DAB1: variants seen among roughly 807,000 people sequenced by gnomAD.
DAB1 encodes disabled homolog 1.
In DAB1, 15 loss-of-function variants were observed where a neutral mutation model predicts 64.6. The ratio of observed to expected loss-of-function variants is 0.23; its 90% CI spans 0.16 to 0.36. The LOEUF (loss-of-function observed/expected upper bound fraction) is 0.36, where lower values mean the gene tolerates loss of function less well. DAB1 is among the 10% of genes least tolerant of loss of function. The probability of loss-of-function intolerance (pLI) is 1.00; values close to 1 mark genes in which losing one functional copy is unlikely to be tolerated. For missense variants in DAB1, 596 were observed against 706.7 expected (o/e 0.84, Z 1.78); for synonymous variants, 235 against 251.9 (o/e 0.93, Z 0.64).
upstream of DAB1, among the ~76,000 whole-genome samples, chr1:57,425,916 A>G (rs1685268061): frequency 6.6e-6 from 1 of 152,166 alleles, no homozygotes; most frequent in Non-Finnish European, 1.5e-5. Flanking sequence ...CTCAATTAAG[A>G]TTAACTTCAG....
intron 7 of DAB1, among the ~76,000 whole-genome samples, chr1:57,641,378 G>GTTTTTTT (rs1491296848): frequency 0.019 from 2,053 of 109,426 alleles, 86 homozygotes; most frequent in Non-Finnish European, 0.022. Flanking sequence ...TTTTTTTGTT[G>GTTTTTTT]GTTTTTTTTT....
intron 2 of DAB1, among the ~76,000 whole-genome samples, chr1:57,219,576 C>T (rs1666701185): frequency 6.6e-6 from 1 of 152,158 alleles, no homozygotes; most frequent in Non-Finnish European, 1.5e-5. Context: ...GGTGGATGGT[C>T]ACCTCCAGGA....
chr1:57,375,484 C>T (rs1680820890), intron 1 of DAB1, among the ~76,000 whole-genome samples: 2 of 152,162 alleles, frequency 1.3e-5, no homozygotes, highest in Admixed American at 1.3e-4. Flanking sequence ...CCCAGGCAAG[C>T]TCTAAGGAAG....
chr1:58,410,204 T>C (rs1644654709), intron 3 of DAB1, among the ~76,000 whole-genome samples: 1 of 152,224 alleles, frequency 6.6e-6, no homozygotes, highest in Non-Finnish European at 1.5e-5. Flanking sequence ...ATTGAAAAGA[T>C]GCCATGCGGC....
At chr1:57,978,170 A>G (rs1645968929) in intron 5 of DAB1, among the ~76,000 whole-genome samples, 2 of 152,178 alleles carry the variant, frequency 1.3e-5, no homozygotes, top group South Asian at 4.1e-4. Flanking sequence ...AAACTACACT[A>G]CAAGGCTACA....
intron 4 of DAB1, among the ~76,000 whole-genome samples, chr1:57,081,919 C>T (rs1229321226): frequency 1.3e-5 from 2 of 152,080 alleles, no homozygotes; most frequent in African/African-American, 2.4e-5. Flanking sequence ...GACACAAATA[C>T]TTTAAAAACT....
chr1:58,389,716 G>C (rs921167174), intron 3 of DAB1, among the ~76,000 whole-genome samples: 1 of 152,190 alleles, frequency 6.6e-6, no homozygotes, highest in African/African-American at 2.4e-5. Flanking sequence ...CATTATTGTT[G>C]TTATTTGTAT....
intron 3 of DAB1, among the ~76,000 whole-genome samples, chr1:58,451,393 C>A (rs1008490218): frequency 1.3e-5 from 2 of 152,142 alleles, no homozygotes; most frequent in African/African-American, 4.8e-5. Context: ...GAGCCCATCC[C>A]TGACACATGA....
At chr1:57,721,787 G>A (rs1009113268) in intron 6 of DAB1, among the ~76,000 whole-genome samples, 3 of 152,134 alleles carry the variant, frequency 2.0e-5, no homozygotes, top group African/African-American at 7.2e-5. Context: ...GCATGCTGTG[G>A]GCATCCATCT....
At chr1:57,429,551 A>G (rs776026161) in intron 7 of DAB1, among the ~76,000 whole-genome samples, 9 of 152,202 alleles carry the variant, frequency 5.9e-5, no homozygotes, top group Non-Finnish European at 1.0e-4. Flanking sequence ...GCCATATCCA[A>G]AAAATCATTG....
chr1:57,139,168 T>C (rs1658371404), intron 3 of DAB1, among the ~76,000 whole-genome samples: 1 of 152,178 alleles, frequency 6.6e-6, no homozygotes, highest in African/African-American at 2.4e-5. Context: ...GTGTTGAATC[T>C]TCATTGCCAG....
At chr1:57,320,538 A>T (rs755744506) in intron 1 of DAB1, among the ~76,000 whole-genome samples, 3 of 152,204 alleles carry the variant, frequency 2.0e-5, no homozygotes, top group Non-Finnish European at 1.5e-5. Flanking sequence ...CAAAGATTCT[A>T]TATAAACCTA....
At chr1:57,637,839 A>C (rs1245328448) in intron 7 of DAB1, among the ~76,000 whole-genome samples, 1 of 152,232 alleles carries the variant, frequency 6.6e-6, no homozygotes, top group Non-Finnish European at 1.5e-5. Flanking sequence ...TATATAACTG[A>C]TAAAGATAAA....
chr1:58,455,527 G>A (rs916923445), intron 3 of DAB1, among the ~76,000 whole-genome samples: 1 of 152,260 alleles, frequency 6.6e-6, no homozygotes, highest in African/African-American at 2.4e-5. Context: ...GTGAGGCGGT[G>A]CAGTTTAGTA....
chr1:58,143,719 T>A lies in DAB1; in HGVS notation n.387+6792A>T, dbSNP rs138192142. 9.4e-3 allele frequency among the ~76,000 whole-genome samples: 1,439 copies of A among 152,340 alleles called. 22 individuals carry two copies. Among genetic ancestry groups the A allele is most frequent in the African/African-American group, 0.033 (1,386 of 41,566 alleles). On this transcript the variant is annotated intron_variant and non_coding_transcript_variant, in intron 5 of 20. Coordinates refer to the DAB1 transcript ENST00000485760. Reference sequence around the variant, plus strand: ...AGTCTGAAATAACACAGCTGTCTTCTAAGCTGTTATTATTTTCCTCCAATA... The same window carrying A: ...AGTCTGAAATAACACAGCTGTCTTCAAAGCTGTTATTATTTTCCTCCAATA...
chr1:58,033,072 C>T (rs1646993398), intron 5 of DAB1, among the ~76,000 whole-genome samples: 3 of 152,182 alleles, frequency 2.0e-5, no homozygotes, highest in Admixed American at 6.5e-5. Context: ...TCCAGAACCA[C>T]CTTCACCCTT....
In DAB1 at chr1:58,473,014, T is replaced by C. The variant is rs558545504; in HGVS notation, n.257+33046A>G. ...ATGGGCAGGTGTTATAGAAGATTTGTTAAGAGAGGAAGTGGTCCCAGGAAA... is the reference window on the plus strand; with the variant it reads ...ATGGGCAGGTGTTATAGAAGATTTGCTAAGAGAGGAAGTGGTCCCAGGAAA... On this transcript the variant is annotated intron_variant and non_coding_transcript_variant, in intron 3 of 20. Coordinates refer to the DAB1 transcript ENST00000485760. 4.6e-5 allele frequency among the ~76,000 whole-genome samples: 7 copies of C among 152,278 alleles called. No homozygotes were observed. In the South Asian group the frequency reaches 1.5e-3, roughly 32 times the overall value.
intron 7 of DAB1, among the ~76,000 whole-genome samples, chr1:57,586,020 T>C (rs1049422380): frequency 6.6e-6 from 1 of 152,158 alleles, no homozygotes; most frequent in South Asian, 2.1e-4. Context: ...TAATTACATG[T>C]GTTCAGTCCA....
intron 1 of DAB1, among the ~76,000 whole-genome samples, chr1:57,351,231 T>C (rs1406445342): frequency 3.3e-5 from 5 of 152,192 alleles, no homozygotes; most frequent in Admixed American, 3.3e-4. Flanking sequence ...ACTTGATCTT[T>C]AAACACTATG....
Sources: gnomAD v4.1 joint callset for allele counts (sites outside exome capture counted in the v4.1 genomes callset) on GRCh38, gnomAD v4.1.1 for gene constraint, MANE v1.5 for transcripts, NCBI Gene and HGNC (gene_info 2026-07-23, HGNC 2026-07-21) for gene names.